The following UFL1 variants were observed in gnomAD, a reference collection of about 807,000 sequenced individuals.
UFL1 encodes E3 UFM1-protein ligase 1.
In UFL1, 78 loss-of-function variants were observed where a neutral mutation model predicts 99.3. The observed-to-expected ratio is 0.79, with a 90% CI of 0.65 to 0.95. UFL1 has a LOEUF of 0.95. Among genes scored for constraint, UFL1 ranks in the 40% least tolerant of loss-of-function variants. UFL1 has a pLI of 0.00. For synonymous variants in UFL1, 335 were observed against 322.2 expected (o/e 1.04, Z -0.42); for missense variants, 936 against 937.0 (o/e 1.00, Z 0.01).
At chr6:96,522,392 T>A (rs1427025156) in intron 1 of UFL1, among the ~76,000 whole-genome samples, 1 of 152,174 alleles carries the variant, frequency 6.6e-6, no homozygotes, top group Non-Finnish European at 1.5e-5. Flanking sequence ...TCCTTAAAAC[T>A]TCTTGCCCTT....
rs1490409439 is a variant in UFL1, at chr6:96,553,400, A to G, written c.2282A>G (p.Gln761Arg). ...YPLNNELDKEQEDVASTTRKE... is the reference protein window; with the variant it reads ...YPLNNELDKEREDVASTTRKE... ...TTGAATAATGAATTAGACAAAGAAC[A>G]AGAAGATGTTGCCAGTACTACTCGT... is the stretch of plus-strand genomic sequence containing the variant. Residue 761 changes from glutamine (Q) to arginine (R), a missense_variant, in exon 19 of 19, where the codon CAA becomes CGA. Coordinates refer to ENST00000369278, the MANE Select transcript of UFL1 (RefSeq NM_015323.5). The G allele has an allele frequency of 1.2e-6, 2 of 1,613,884 alleles. No individual in the cohort carries two copies. Among genetic ancestry groups the G allele is most frequent in the East Asian group, 2.2e-5 (1 of 44,838 alleles).
chr6:96,540,440 AC>A, intron 10 of UFL1, 94 bp from the exon 11 acceptor site: 1 of 1,433,980 alleles, frequency 7.0e-7, no homozygotes, highest in Non-Finnish European at 9.3e-7. Context: ...AAGCAACAAA[AC>A]CAAACAAGAA....
At chr6:96,540,499 T>A in intron 10 of UFL1, 36 bp from the exon 11 acceptor site, 8 of 1,582,038 alleles carry the variant, frequency 5.1e-6, no homozygotes, top group Non-Finnish European at 6.8e-6. Context: ...AAATGCTATG[T>A]GTTTTTCCTA....
At chr6:96,525,899 A>G (rs1428532931) in intron 4 of UFL1, among the ~76,000 whole-genome samples, 2 of 152,008 alleles carry the variant, frequency 1.3e-5, no homozygotes, top group Non-Finnish European at 2.9e-5. Flanking sequence ...GCAACATGGC[A>G]AAACCCATTT....
intron 11 of UFL1, among the ~76,000 whole-genome samples, chr6:96,542,346 A>G (rs1011184498): frequency 1.3e-5 from 2 of 151,388 alleles, no homozygotes; most frequent in East Asian, 1.9e-4. Flanking sequence ...GAATATATAC[A>G]TTAATGACAC....
At chr6:96,522,019 C>G in intron 1 of UFL1, 69 bp downstream of exon 1, 2 of 1,514,956 alleles carry the variant, frequency 1.3e-6, no homozygotes, top group Non-Finnish European at 1.8e-6. Context: ...GTATCTGGGA[C>G]TTTAGACCCG....
intron 12 of UFL1, among the ~76,000 whole-genome samples, chr6:96,547,544 G>A (rs999598554): frequency 7.9e-5 from 12 of 151,498 alleles, no homozygotes; most frequent in Admixed American, 2.0e-4. Context: ...CATTATTCAC[G>A]ATAGCAAAGT....
At chr6:96,545,994 A>G (rs1361432668) in intron 12 of UFL1, among the ~76,000 whole-genome samples, 3 of 151,308 alleles carry the variant, frequency 2.0e-5, no homozygotes, top group Admixed American at 6.6e-5. Context: ...ACTCCTATTC[A>G]ACGTAGTACT....
At chr6:96,522,247 T>C (rs1769625803) in intron 1 of UFL1, among the ~76,000 whole-genome samples, 1 of 151,988 alleles carries the variant, frequency 6.6e-6, no homozygotes, top group Non-Finnish European at 1.5e-5. Flanking sequence ...TGAGCATTTC[T>C]TTGACCCTCC....
At chr6:96,527,153 T>A (rs1769716385) in intron 5 of UFL1, among the ~76,000 whole-genome samples, 1 of 152,196 alleles carries the variant, frequency 6.6e-6, no homozygotes. Flanking sequence ...TTTGTTTTTT[T>A]AGAATCATAG....
chr6:96,534,168 A>G (rs1769821515), intron 6 of UFL1, 95 bp from the exon 7 acceptor site: 1 of 797,970 alleles, frequency 1.3e-6, no homozygotes, highest in African/African-American at 1.8e-5. Context: ...TTTAAACAGT[A>G]TTTTTCTTAA....
intron 1 of UFL1, among the ~76,000 whole-genome samples, 188 bp downstream of exon 1, chr6:96,522,138 AG>A (rs1769622557): frequency 6.6e-6 from 1 of 152,072 alleles, no homozygotes; most frequent in Non-Finnish European, 1.5e-5. Flanking sequence ...GAAAGTCCTC[AG>A]CCTAGGACGC....
Position 96,553,584 on chromosome 6 carries a change from T to A in UFL1, c.*81T>A. 1 of 1,211,098 alleles carries A rather than the reference T, an allele frequency of 8.3e-7. No individual in the cohort carries two copies. The highest frequency in any genetic ancestry group is 1.2e-6 in the Non-Finnish European group (1 of 861,020). 75.0% of individuals were successfully genotyped at this position (1,211,098 alleles called of 1,614,324 possible). ...AGTGGTCACAAAAAAGTAGTCACTATACAACTCCCCTCTCCCTGCAAAAAC... is the reference window on the plus strand; with the variant it reads ...AGTGGTCACAAAAAAGTAGTCACTAAACAACTCCCCTCTCCCTGCAAAAAC... On this transcript the variant is annotated 3_prime_UTR_variant, in exon 19 of 19. Coordinates refer to ENST00000369278, the MANE Select transcript of UFL1 (RefSeq NM_015323.5).
chr6:96,551,610 C>G, intron 16 of UFL1, 97 bp downstream of exon 16: 1 of 938,250 alleles, frequency 1.1e-6, no homozygotes, highest in Non-Finnish European at 1.6e-6. Flanking sequence ...TAAATCCAAT[C>G]TAAAACTAGT....
chr6:96,554,093 T>C lies in UFL1; in HGVS notation c.*590T>C, dbSNP rs1770120855. The C allele has an allele frequency of 1.3e-5, 2 of 152,426 alleles. No individual in the cohort carries two copies. Among genetic ancestry groups the C allele is most frequent in the South Asian group, 4.1e-4 (2 of 4,838 alleles). The allele number at this position is 152,426 out of a possible 1,614,324, so 9.4% of individuals were successfully genotyped here. A position where few individuals can be genotyped will look rare whatever the true frequency, so the allele number is the denominator to read the frequency against. ...TTTTTGGCAGAATAAACATTGATTT[T>C]GGTTGGGGCTGCAAGGATGCCTTTA... is the stretch of plus-strand genomic sequence containing the variant. On this transcript the variant is annotated 3_prime_UTR_variant, in exon 19 of 19. Transcript: ENST00000369278.
At chr6:96,527,573 G>A (rs530408672) in intron 5 of UFL1, among the ~76,000 whole-genome samples, 6 of 152,186 alleles carry the variant, frequency 3.9e-5, no homozygotes, top group African/African-American at 1.2e-4. Flanking sequence ...ACCATTTATA[G>A]TATAGATCTG....
rs1328087023 is a variant in UFL1 at position 96,521,939 on chromosome 6, G to A, written c.66G>A (p.Glu22=). Residue 22 remains glutamate (E), a synonymous_variant, in exon 1 of 19, where the codon GAG becomes GAA. Transcript: ENST00000369278. The stretch of plus-strand genomic sequence containing the variant: ...ACTTCCAGCGGGCGCAGTTCGCCGA[G>A]GCCACGCAGAGGTGCCCGACCCTCC... The part of the protein sequence containing the change: ...AADFQRAQFA[E]ATQRLSERNC... The A allele has an allele frequency of 5.0e-6, 8 of 1,612,270 alleles. No individual in the cohort carries two copies. The highest frequency in any genetic ancestry group is 1.1e-5 in the South Asian group (1 of 90,516).
At chr6:96,526,274 A>T in intron 4 of UFL1, 47 bp from the exon 5 acceptor site, 1 of 1,501,798 alleles carries the variant, frequency 6.7e-7, no homozygotes, top group Non-Finnish European at 9.1e-7. Context: ...AAACAGAAAA[A>T]ACATTCCTAA....
rs1339014468 is a variant in UFL1, at chr6:96,521,880, G to A, written c.7G>A (p.Asp3Asn). 1.9e-6 allele frequency: 3 copies of A among 1,612,060 alleles called. No homozygotes were observed. Among genetic ancestry groups the A allele is most frequent in the Non-Finnish European group, 2.5e-6 (3 of 1,179,480 alleles). The change falls in exon 1 of 19, where the codon GAC becomes AAC. Residue 3 changes from aspartate to asparagine, a missense_variant. Physicochemically the swap from Asp to Asn is conservative, Grantham distance 23. Coordinates refer to ENST00000369278, the MANE Select transcript of UFL1 (RefSeq NM_015323.5). Reference sequence around the variant, plus strand: ...TACTGCGAGTCAGGCCGTGATGGCGGACGCCTGGGAAGAGATTAGGCGGTT... The same window carrying A: ...TACTGCGAGTCAGGCCGTGATGGCGAACGCCTGGGAAGAGATTAGGCGGTT... MA[D>N]AWEEIRRLAA...
Sources: gnomAD v4.1 joint callset for allele counts (sites outside exome capture counted in the v4.1 genomes callset) on GRCh38, gnomAD v4.1.1 for gene constraint, MANE v1.5 for transcripts, NCBI Gene and HGNC (gene_info 2026-07-23, HGNC 2026-07-21) for gene names.